The following ZNF653 variants were observed in gnomAD, a reference collection of about 807,000 sequenced individuals.
ZNF653 encodes 67 kDa zinc finger protein.
A neutral mutation model predicts 59.9 loss-of-function variants in ZNF653; 37 were observed. The ratio of observed to expected loss-of-function variants is 0.62; its 90% CI spans 0.48 to 0.81. The LOEUF (loss-of-function observed/expected upper bound fraction) is 0.81. Ranked by LOEUF, ZNF653 falls within the 40% of genes least tolerant of loss-of-function variation. ZNF653 has a pLI of 0.00. For synonymous variants in ZNF653, 435 were observed against 371.8 expected, an observed-to-expected ratio of 1.17 and a Z score of -1.96; for missense variants, 808 against 881.1, an observed-to-expected ratio of 0.92 and a Z score of 1.05.
rs567008758 is a variant in ZNF653 at position 11,505,811 on chromosome 19, C to T, written c.-25G>A. ...TCCCCCCCACCCTGGTTACCAGCCT[C>T]CCCCGTTGTTAGGAGCCAGACCGGA... is the stretch of plus-strand genomic sequence containing the variant. On this transcript the variant is annotated 5_prime_UTR_variant, in exon 1 of 9. Coordinates refer to ENST00000293771, the MANE Select transcript of ZNF653 (RefSeq NM_138783.4). 48 of 1,364,432 alleles carry T rather than the reference C, an allele frequency of 3.5e-5. No individual in the cohort carries two copies. Among genetic ancestry groups the T allele is most frequent in the South Asian group, 1.3e-4 (8 of 60,708 alleles). The allele number at this position is 1,364,432 out of a possible 1,614,324, so 84.5% of individuals were successfully genotyped here.
rs549903234 is a variant in ZNF653, at chr19:11,504,485, C to T, written c.299+1003G>A. 2.5e-4 allele frequency: 243 copies of T among 982,736 alleles called. 3 individuals are homozygous for T. In the South Asian group the frequency reaches 9.9e-3, roughly 40 times the overall value. 60.9% of individuals were successfully genotyped at this position (982,736 alleles called of 1,614,324 possible). On this transcript the variant is annotated intron_variant, in intron 1 of 8. Coordinates refer to ENST00000293771, the MANE Select transcript of ZNF653 (RefSeq NM_138783.4). ...CATCCCCTCTGCCCACCAGAATGTC[C>T]GCTCCATGAGGCAGGTATCTTTGCG...
At chr19:11,501,718 C>A (rs1341402180) in intron 1 of ZNF653, among the ~76,000 whole-genome samples, 1 of 152,210 alleles carries the variant, frequency 6.6e-6, no homozygotes, top group East Asian at 1.9e-4. Flanking sequence ...GCTGCTGCTT[C>A]TCCCTCACCT....
intron 6 of ZNF653, among the ~76,000 whole-genome samples, chr19:11,486,043 C>CG (rs1318978842): frequency 6.6e-6 from 1 of 152,110 alleles, no homozygotes; most frequent in Non-Finnish European, 1.5e-5. Flanking sequence ...TCCACCCCCC[C>CG]GGGTTCACAC....
Position 11,487,551 on chromosome 19 carries a change from C to A in ZNF653, c.912G>T (p.Val304=). The A allele has an allele frequency of 6.2e-7, 1 of 1,613,944 alleles. No homozygotes were observed. The highest frequency in any genetic ancestry group is 1.3e-5 in the African/African-American group (1 of 75,064). The change falls in exon 4 of 9, where the codon GTG becomes GTT. Residue 304 remains valine, a synonymous_variant. Coordinates refer to ENST00000293771, the MANE Select transcript of ZNF653 (RefSeq NM_138783.4). The surrounding 1 kb of genome is among the most constrained non-coding windows in gnomAD (Gnocchi z 5.1). The part of the protein sequence containing the change: ...ENVPQEALGE[V]VASCPMPGMV... ...TGCCTGGCATGGGGCAGCTGGCCAC[C>A]ACCTCACCCAGGGCCTCCTGGGGCA...
chr19:11,486,750 C>T lies in ZNF653; in HGVS notation c.1455+19G>A, dbSNP rs1971469511. The T allele has an allele frequency of 7.6e-6, 12 of 1,583,260 alleles. No homozygotes were observed. Among genetic ancestry groups the T allele is most frequent in the Non-Finnish European group, 9.5e-6 (11 of 1,163,818 alleles). The stretch of plus-strand genomic sequence containing the variant: ...GGCCTTGTGGGCCTGGCCCAGGCTG[C>T]TCCGGGTGGCGGCCTCACCTGGAAG... On this transcript the variant is annotated intron_variant, in intron 6 of 8. Coordinates refer to ENST00000293771, the MANE Select transcript of ZNF653 (RefSeq NM_138783.4).
intron 1 of ZNF653, among the ~76,000 whole-genome samples, chr19:11,502,395 C>T (rs1026920317): frequency 1.3e-5 from 2 of 151,970 alleles, no homozygotes; most frequent in Non-Finnish European, 2.9e-5. Flanking sequence ...CCTGGTCTTC[C>T]TTTTTTTTAT....
At position 11,487,293 on chromosome 19, in the gene ZNF653, T is replaced by C; in HGVS notation, c.1170A>G (p.Lys390=). The change falls in exon 4 of 9, where the codon AAA becomes AAG. Residue 390 remains lysine (K), a splice_region_variant and synonymous_variant. Transcript: ENST00000293771. This position sits in a 1 kb window ranked among gnomAD's most constrained non-coding sequence, Gnocchi z 5.1. ...ATAVAGIETK[K]EKEDLCLLKK... The stretch of plus-strand genomic sequence containing the variant: ...GAGGCCACGACAGGTCCCCCAGACC[T>C]TTCTTGGTCTCGATGCCTGCTACTG... The C allele has an allele frequency of 6.2e-7, 1 of 1,610,342 alleles. No individual in the cohort carries two copies. Among genetic ancestry groups the C allele is most frequent in the Non-Finnish European group, 8.5e-7 (1 of 1,177,558 alleles).
intron 8 of ZNF653, 21 bp from the exon 9 acceptor site, chr19:11,483,880 G>T: frequency 6.6e-7 from 1 of 1,520,382 alleles, no homozygotes; most frequent in Non-Finnish European, 8.9e-7. Flanking sequence ...CCCGTGGCGG[G>T]ACGGGGCGGG....
chr19:11,484,308 C>T (rs1330509707), intron 7 of ZNF653, among the ~76,000 whole-genome samples, 167 bp from the exon 8 acceptor site: 2 of 151,994 alleles, frequency 1.3e-5, no homozygotes, highest in Admixed American at 6.6e-5. Context: ...TGCCCACAGA[C>T]GCCATCAAGC....
intron 1 of ZNF653, chr19:11,504,700 G>A (rs1971688528): frequency 5.9e-6 from 2 of 338,626 alleles, no homozygotes; most frequent in Non-Finnish European, 8.3e-6. Context: ...CTTGTGATAC[G>A]GAATAAACGT....
chr19:11,498,994 G>C (rs1303625340), intron 1 of ZNF653, among the ~76,000 whole-genome samples: 2 of 152,152 alleles, frequency 1.3e-5, no homozygotes, highest in Non-Finnish European at 2.9e-5. Context: ...CAAAGTGTTG[G>C]GATTACAGGC....
chr19:11,490,120 TG>T (rs1971515282), intron 3 of ZNF653, among the ~76,000 whole-genome samples: 1 of 152,176 alleles, frequency 6.6e-6, no homozygotes, highest in African/African-American at 2.4e-5. Flanking sequence ...GGGCTCTAAA[TG>T]GGGGGTTTCC....
chr19:11,497,248 A>G (rs1423880307), intron 2 of ZNF653, among the ~76,000 whole-genome samples: 1 of 152,244 alleles, frequency 6.6e-6, no homozygotes, highest in Non-Finnish European at 1.5e-5. Flanking sequence ...CAGCTCCTCA[A>G]GAGCAGGAAC....
chr19:11,487,283 C>A lies in ZNF653; in HGVS notation c.1171+9G>T, dbSNP rs954710367. On this transcript the variant is annotated intron_variant, in intron 4 of 8. Transcript: ENST00000293771. This position sits in a 1 kb window ranked among gnomAD's most constrained non-coding sequence, Gnocchi z 5.1. ...CCCCTGGCCAGAGGCCACGACAGGT[C>A]CCCCAGACCTTTCTTGGTCTCGATG... 2 of 1,608,244 alleles carry A rather than the reference C, an allele frequency of 1.2e-6. No individual in the cohort carries two copies. The highest frequency in any genetic ancestry group is 1.7e-6 in the Non-Finnish European group (2 of 1,176,352).
chr19:11,495,652 G>C lies in ZNF653; in HGVS notation c.559+298C>G. On this transcript the variant is annotated intron_variant, in intron 3 of 8. Transcript: ENST00000293771. This position sits in a 1 kb window ranked among gnomAD's most constrained non-coding sequence, Gnocchi z 4.9. ...CCCCAGCAGGCCTGCCCCCGCCCCA[G>C]CTGCCAAGCCAGGGCTCCTGGGCCC... 1 of 427,460 alleles carries C rather than the reference G, an allele frequency of 2.3e-6. No individual in the cohort carries two copies. The highest frequency in any genetic ancestry group is 2.3e-5 in the South Asian group (1 of 43,642). 26.5% of individuals were successfully genotyped at this position (427,460 alleles called of 1,614,324 possible). A position where few individuals can be genotyped will look rare whatever the true frequency, so the allele number is the denominator to read the frequency against.
intron 7 of ZNF653, 37 bp from the exon 8 acceptor site, chr19:11,484,178 C>G: frequency 6.8e-7 from 1 of 1,476,392 alleles, no homozygotes; most frequent in Non-Finnish European, 9.3e-7. Flanking sequence ...GGACGGTGGG[C>G]TATGGGGTGT....
In ZNF653 at chr19:11,483,865, G is replaced by A. The variant is rs1353318679; in HGVS notation, c.1671-6C>T. 2.5e-6 allele frequency: 4 copies of A among 1,578,170 alleles called. No homozygotes were observed. The highest frequency in any genetic ancestry group is 1.1e-5 in the South Asian group (1 of 87,884). ...GGTAGCCACAGATCTCGCACCTGCC[G>A]GGAGCCCGTGGCGGGACGGGGCGGG... On this transcript the variant is annotated splice_region_variant and splice_polypyrimidine_tract_variant and intron_variant, in intron 8 of 8. Transcript: ENST00000293771.
chr19:11,489,419 G>A (rs1174623659), intron 3 of ZNF653, among the ~76,000 whole-genome samples: 1 of 152,062 alleles, frequency 6.6e-6, no homozygotes, highest in Non-Finnish European at 1.5e-5. Context: ...GGCTGATCTC[G>A]AACTTCTGAC....
In ZNF653 at chr19:11,486,820, G is replaced by A. The variant is rs1174231158; in HGVS notation, c.1404C>T (p.His468=). ...CTTGGCTGCAGCCCTCGTATGGGCA[G>A]TGGAACATCTCGAGCAGGCCGTCAG... The part of the protein sequence containing the change: ...MDADGLLEMF[H]CPYEGCSQVY... Residue 468 remains histidine (H), a synonymous_variant, in exon 6 of 9, where the codon CAC becomes CAT. Transcript: ENST00000293771. 2 of 1,612,264 alleles carry A rather than the reference G, an allele frequency of 1.2e-6. No individual in the cohort carries two copies. Among genetic ancestry groups the A allele is most frequent in the East Asian group, 2.2e-5 (1 of 44,736 alleles).
Sources: gnomAD v4.1 joint callset for allele counts (sites outside exome capture counted in the v4.1 genomes callset) on GRCh38, gnomAD v4.1.1 for gene constraint, Gnocchi (gnomAD v3.1) non-coding constraint, MANE v1.5 for transcripts, NCBI Gene and HGNC (gene_info 2026-07-23, HGNC 2026-07-21) for gene names.